The following KCNIP3 variants were observed in gnomAD, a reference collection of about 807,000 sequenced individuals.
KCNIP3 encodes the protein calsenilin.
In KCNIP3, 28 loss-of-function variants were observed where a neutral mutation model predicts 35.0. The observed-to-expected ratio is 0.80, with a 90% CI of 0.59 to 1.10. The LOEUF (loss-of-function observed/expected upper bound fraction) is 1.10, where lower values mean the gene tolerates loss of function less well. Among genes scored for constraint, KCNIP3 ranks in the 50% least tolerant of loss-of-function variants. KCNIP3 has a pLI of 0.00. For synonymous variants in KCNIP3, 134 were observed against 133.8 expected, an observed-to-expected ratio of 1.00 and a Z score of -0.01; for missense variants, 295 against 338.4, an observed-to-expected ratio of 0.87 and a Z score of 1.01.
intron 2 of KCNIP3, among the ~76,000 whole-genome samples, chr2:95,371,235 C>A (rs969228024): frequency 3.3e-5 from 5 of 152,198 alleles, no homozygotes; most frequent in Admixed American, 2.0e-4. Context: ...ATAAATTTCC[C>A]TGTCAGCCCA....
At chr2:95,342,714 C>T (rs192940811) in intron 2 of KCNIP3, among the ~76,000 whole-genome samples, 2 of 152,186 alleles carry the variant, frequency 1.3e-5, no homozygotes, top group African/African-American at 2.4e-5. Flanking sequence ...CTACTATAAT[C>T]GCCTGCTTTT....
intron 2 of KCNIP3, among the ~76,000 whole-genome samples, chr2:95,325,035 G>T (rs1468308259): frequency 6.6e-6 from 1 of 152,214 alleles, no homozygotes; most frequent in Non-Finnish European, 1.5e-5. Flanking sequence ...TAGAAGGGGG[G>T]CTCCAGTCCC....
chr2:95,360,553 C>T (rs1474280338), intron 2 of KCNIP3, among the ~76,000 whole-genome samples: 1 of 152,180 alleles, frequency 6.6e-6, no homozygotes, highest in African/African-American at 2.4e-5. Context: ...TATAACAACA[C>T]CCACTCTCAG....
At chr2:95,370,306 G>C (rs1390125922) in intron 2 of KCNIP3, among the ~76,000 whole-genome samples, 2 of 152,234 alleles carry the variant, frequency 1.3e-5, no homozygotes. Context: ...GATCTTCACA[G>C]ACTTTATTTT....
At chr2:95,346,296 G>C (rs940031260) in intron 2 of KCNIP3, among the ~76,000 whole-genome samples, 101 of 151,650 alleles carry the variant, frequency 6.7e-4, no homozygotes, top group African/African-American at 2.3e-3. Context: ...GAGCGCAGCC[G>C]CCGCCCCCTC....
At chr2:95,370,328 G>A (rs1279250189) in intron 2 of KCNIP3, among the ~76,000 whole-genome samples, 5 of 152,226 alleles carry the variant, frequency 3.3e-5, no homozygotes, top group African/African-American at 9.6e-5. Flanking sequence ...GGCTTTGTCA[G>A]AGTAGGTTTG....
chr2:95,309,220 C>T (rs1031058079), intron 1 of KCNIP3, among the ~76,000 whole-genome samples: 1 of 152,160 alleles, frequency 6.6e-6, no homozygotes, highest in African/African-American at 2.4e-5. Context: ...AGAGGTGTGG[C>T]CAGCGGCAGC....
At position 95,378,912 on chromosome 2, in the gene KCNIP3, A is replaced by ATC. The variant is rs1344072724; in HGVS notation, c.448-2683_448-2682insCT. ...CACACACACACATATATATATATAT[A>ATC]TTCATTGTCTTCAGTTATACACACA... On this transcript the variant is annotated intron_variant, in intron 5 of 8. Transcript: ENST00000295225. This position sits in a 1 kb window ranked among gnomAD's most constrained non-coding sequence, Gnocchi z 4.0. 1.3e-5 allele frequency among the ~76,000 whole-genome samples: 2 copies of ATC among 151,932 alleles called. No homozygotes were observed. The highest frequency in any genetic ancestry group is 2.9e-5 in the Non-Finnish European group (2 of 67,984).
rs1203599645 is a variant in KCNIP3, at chr2:95,384,840, G to A, written c.*791G>A. On this transcript the variant is annotated 3_prime_UTR_variant, in exon 9 of 9. Coordinates refer to ENST00000295225, the MANE Select transcript of KCNIP3 (RefSeq NM_013434.5). ...CTGCCAGCTCCACAGGGTGGGATGA[G>A]CCTCTCCTTGCCCCAGTCCTGGTTC... The A allele has an allele frequency of 6.6e-6, 1 of 152,622 alleles. No individual in the cohort carries two copies. The highest frequency in any genetic ancestry group is 2.4e-5 in the African/African-American group (1 of 41,468). 9.5% of individuals were successfully genotyped at this position (152,622 alleles called of 1,614,324 possible).
At chr2:95,325,925 T>G (rs1191510318) in intron 2 of KCNIP3, among the ~76,000 whole-genome samples, 1 of 133,252 alleles carries the variant, frequency 7.5e-6, no homozygotes, top group South Asian at 2.4e-4. Context: ...ACATACACAC[T>G]CATACACATA....
In KCNIP3 at chr2:95,321,725, G is replaced by A. The variant is rs560634324; in HGVS notation, c.181+11205G>A. On this transcript the variant is annotated intron_variant, in intron 2 of 8. Coordinates refer to ENST00000295225, the MANE Select transcript of KCNIP3 (RefSeq NM_013434.5). Reference sequence around the variant, plus strand: ...ACAGGACTGCTCAGTTAAACAGAAGGGATATGAAACTGAGAAAGACCCAGG... The same window carrying A: ...ACAGGACTGCTCAGTTAAACAGAAGAGATATGAAACTGAGAAAGACCCAGG... Among the ~76,000 whole-genome samples, 38 of 152,268 alleles carry A rather than the reference G, an allele frequency of 2.5e-4. No individual in the cohort carries two copies. In the South Asian group the frequency reaches 2.7e-3, roughly 11 times the overall value.
At chr2:95,367,722 A>G (rs1679948645) in intron 2 of KCNIP3, among the ~76,000 whole-genome samples, 1 of 151,074 alleles carries the variant, frequency 6.6e-6, no homozygotes, top group Non-Finnish European at 1.5e-5. Flanking sequence ...AAATTACAAA[A>G]TCCATTCACT....
At chr2:95,297,492 G>A (rs1553441147) in intron 1 of KCNIP3, 39 bp downstream of exon 1, 1 of 1,259,220 alleles carries the variant, frequency 7.9e-7, no homozygotes, top group Non-Finnish European at 1.1e-6. Flanking sequence ...CTGGAGGGGG[G>A]TCGGGGGGAG....
chr2:95,349,344 C>G (rs973953012), intron 2 of KCNIP3, among the ~76,000 whole-genome samples: 1 of 152,194 alleles, frequency 6.6e-6, no homozygotes, highest in Admixed American at 6.5e-5. Flanking sequence ...AGAGGGGTCT[C>G]TTGTCCTCTC....
Position 95,382,349 on chromosome 2 carries a change from G to A in KCNIP3, c.556-28G>A, listed in dbSNP as rs754212361. 6.0e-6 allele frequency: 9 copies of A among 1,504,986 alleles called. No homozygotes were observed. The South Asian group carries it at 8.9e-5, about 15-fold the overall frequency. 93.2% of individuals were successfully genotyped at this position (1,504,986 alleles called of 1,614,324 possible). A position where few individuals can be genotyped will look rare whatever the true frequency, so the allele number is the denominator to read the frequency against. On this transcript the variant is annotated intron_variant, in intron 6 of 8. Transcript: ENST00000295225. The surrounding 1 kb of genome is among the most constrained non-coding windows in gnomAD (Gnocchi z 4.5). ...CCCTCACAGCCACCCCGGCCTTGCA[G>A]CAGGCTCATGCCAGCCTCCCCCTCC...
At chr2:95,357,883 C>G (rs3755518) in intron 2 of KCNIP3, among the ~76,000 whole-genome samples, 23,312 of 152,234 alleles carry the variant, frequency 0.15, 2,086 homozygotes, top group East Asian at 0.29. Context: ...TCTGAGCCAG[C>G]TGTGTCCACC....
chr2:95,342,945 G>T (rs1679232672), intron 2 of KCNIP3, among the ~76,000 whole-genome samples: 1 of 152,214 alleles, frequency 6.6e-6, no homozygotes, highest in African/African-American at 2.4e-5. Context: ...GAACCAGGAG[G>T]CCCCTGGTAG....
At chr2:95,311,952 C>T (rs577880357) in intron 2 of KCNIP3, 2 of 152,336 alleles carry the variant, frequency 1.3e-5, no homozygotes, top group South Asian at 2.1e-4. Flanking sequence ...CGGGAAGGAC[C>T]GCCTTCAGGG....
At chr2:95,345,344 A>G (rs1159432574) in intron 2 of KCNIP3, among the ~76,000 whole-genome samples, 1 of 151,982 alleles carries the variant, frequency 6.6e-6, no homozygotes, top group Non-Finnish European at 1.5e-5. Context: ...CCACGGGGGG[A>G]GCCCTTTAAG....
Sources: allele counts gnomAD v4.1 joint callset (sites outside exome capture counted in the v4.1 genomes callset), GRCh38; gene constraint gnomAD v4.1.1; non-coding constraint Gnocchi (gnomAD v3.1); transcripts MANE v1.5; gene names NCBI Gene and HGNC (gene_info 2026-07-23, HGNC 2026-07-21).